SLC25A25: variants seen among roughly 807,000 people sequenced by gnomAD.
The protein encoded by SLC25A25 is mitochondrial adenyl nucleotide antiporter SLC25A25.
In SLC25A25, 32 loss-of-function variants were observed where a neutral mutation model predicts 57.7. The observed-to-expected ratio is 0.55, with a 90% CI of 0.42 to 0.74. The LOEUF (loss-of-function observed/expected upper bound fraction) is 0.74, where lower values mean the gene tolerates loss of function less well. SLC25A25 is among the 30% of genes least tolerant of loss of function. SLC25A25 has a pLI of 0.00. For missense variants in SLC25A25, 556 were observed against 701.3 expected, an observed-to-expected ratio of 0.79 and a Z score of 2.34; for synonymous variants, 306 against 291.2, an observed-to-expected ratio of 1.05 and a Z score of -0.52.
At chr9:128,076,087 C>G (rs1833005301) in intron 1 of SLC25A25, among the ~76,000 whole-genome samples, 1 of 151,846 alleles carries the variant, frequency 6.6e-6, no homozygotes. Flanking sequence ...GCCTGTGACA[C>G]AGCCTCAGGG....
At chr9:128,071,726 A>T (rs978293079) in intron 1 of SLC25A25, among the ~76,000 whole-genome samples, 24 of 146,070 alleles carry the variant, frequency 1.6e-4, no homozygotes, top group African/African-American at 5.4e-4. Flanking sequence ...TATCTATTTT[A>T]TTTTTTTTTG....
chr9:128,096,317 T>C (rs570180678), intron 1 of SLC25A25, among the ~76,000 whole-genome samples: 1 of 152,344 alleles, frequency 6.6e-6, no homozygotes, highest in Non-Finnish European at 1.5e-5. Context: ...GAGACCAGCC[T>C]GGCCAACATG....
intron 1 of SLC25A25, among the ~76,000 whole-genome samples, chr9:128,098,048 G>T: frequency 6.6e-6 from 1 of 152,234 alleles, no homozygotes; most frequent in East Asian, 1.9e-4. Flanking sequence ...CAGCTGAACT[G>T]GGCCCGTTTG....
intron 1 of SLC25A25, among the ~76,000 whole-genome samples, chr9:128,070,250 C>G (rs574991358): frequency 1.5e-4 from 23 of 152,102 alleles, no homozygotes; most frequent in African/African-American, 5.5e-4. Flanking sequence ...GCCACCATGC[C>G]CAGCTAATTT....
intron 1 of SLC25A25, among the ~76,000 whole-genome samples, chr9:128,070,630 A>G (rs1007452621): frequency 6.6e-6 from 1 of 151,846 alleles, no homozygotes; most frequent in Non-Finnish European, 1.5e-5. Flanking sequence ...ATTTTCCTGT[A>G]TGTATCTGAT....
rs960172026 is a variant in SLC25A25 at position 128,102,184 on chromosome 9, G to A, written c.512+69G>A. ...GCCTGATCAGAGCGGGATTCTTGTG[G>A]GCCATTATATTGCCATTGTTGTGCT... is the stretch of plus-strand genomic sequence containing the variant. On this transcript the variant is annotated intron_variant, in intron 4 of 10. Transcript: ENST00000373069. This position sits in a 1 kb window ranked among gnomAD's most constrained non-coding sequence, Gnocchi z 4.1. 4 of 1,535,406 alleles carry A rather than the reference G, an allele frequency of 2.6e-6. No individual in the cohort carries two copies. The African/African-American group carries it at 5.5e-5, about 21-fold the overall frequency.
chr9:128,070,950 C>CAAAAAAA (rs531221205), intron 1 of SLC25A25, among the ~76,000 whole-genome samples: 1 of 57,448 alleles, frequency 1.7e-5, no homozygotes, highest in African/African-American at 5.9e-5. Context: ...AACTCCATCT[C>CAAAAAAA]AAAAAAAAAA....
In SLC25A25 at chr9:128,102,602, A is replaced by G. The variant is rs982817409; in HGVS notation, c.624+121A>G. 4.1e-6 allele frequency: 3 copies of G among 735,260 alleles called. No homozygotes were observed. The highest frequency in any genetic ancestry group is 3.5e-5 in the African/African-American group (2 of 56,524). 45.5% of individuals were successfully genotyped at this position (735,260 alleles called of 1,614,324 possible). ...CCAGCCACCTCCTCTTCCACAGGAGACTGTCCCCTCTTCTGCCAGCCCAGT... is the reference window on the plus strand; with the variant it reads ...CCAGCCACCTCCTCTTCCACAGGAGGCTGTCCCCTCTTCTGCCAGCCCAGT... On this transcript the variant is annotated intron_variant, in intron 5 of 10. Coordinates refer to ENST00000373069, the MANE Select transcript of SLC25A25 (RefSeq NM_001330988.2). This position sits in a 1 kb window ranked among gnomAD's most constrained non-coding sequence, Gnocchi z 4.1.
intron 1 of SLC25A25, chr9:128,091,105 G>A (rs1317619267): frequency 1.3e-5 from 2 of 152,192 alleles, no homozygotes; most frequent in African/African-American, 2.4e-5. Flanking sequence ...GGAGAAAACT[G>A]GATCTTGAAA....
chr9:128,088,429 T>C (rs1166951432), intron 1 of SLC25A25, among the ~76,000 whole-genome samples: 1 of 152,156 alleles, frequency 6.6e-6, no homozygotes, highest in Non-Finnish European at 1.5e-5. Context: ...CTCTCTCCTC[T>C]CCGGCGCTTT....
At position 128,102,302 on chromosome 9, in the gene SLC25A25, G is replaced by A; in HGVS notation, c.513-68G>A. On this transcript the variant is annotated intron_variant, in intron 4 of 10. Coordinates refer to ENST00000373069, the MANE Select transcript of SLC25A25 (RefSeq NM_001330988.2). The surrounding 1 kb of genome is among the most constrained non-coding windows in gnomAD (Gnocchi z 4.1). Reference sequence around the variant, plus strand: ...CCGAATGCCTGCCCTTGGCTCACTGGGAGGTGGGGGGATGCAGCTGGCGGA... The same window carrying A: ...CCGAATGCCTGCCCTTGGCTCACTGAGAGGTGGGGGGATGCAGCTGGCGGA... 6.7e-7 allele frequency: 1 copy of A among 1,487,508 alleles called. No homozygotes were observed. Among genetic ancestry groups the A allele is most frequent in the Non-Finnish European group, 9.3e-7 (1 of 1,071,560 alleles). The allele number at this position is 1,487,508 out of a possible 1,614,324, so 92.1% of individuals were successfully genotyped here. A position where few individuals can be genotyped will look rare whatever the true frequency, so the allele number is the denominator to read the frequency against.
intron 1 of SLC25A25, among the ~76,000 whole-genome samples, chr9:128,089,168 A>G (rs1048247152): frequency 6.6e-6 from 1 of 152,186 alleles, no homozygotes; most frequent in Non-Finnish European, 1.5e-5. Flanking sequence ...CTGGGATTAC[A>G]GACGTGAACC....
In SLC25A25 at chr9:128,107,012, C is replaced by A; in HGVS notation, c.1213-17C>A. ...AGCCCTTCCTAGGGCTTATCCCATG[C>A]TCCCTTCTCCTTCTAGACGCTCAAG... On this transcript the variant is annotated splice_polypyrimidine_tract_variant and intron_variant, in intron 9 of 10. Transcript: ENST00000373069. 6.2e-7 allele frequency: 1 copy of A among 1,611,232 alleles called. No homozygotes were observed. Among genetic ancestry groups the A allele is most frequent in the African/African-American group, 1.3e-5 (1 of 75,000 alleles).
rs1463521463 is a variant in SLC25A25 at position 128,085,159 on chromosome 9, C to T, written c.262-15937C>T. 5.9e-5 allele frequency among the ~76,000 whole-genome samples: 9 copies of T among 151,880 alleles called. 1 individual carries two copies. The Middle Eastern group carries it at 0.01, about 175-fold the overall frequency. ...ATCCTGGCCAACATGGTGAAACCCC[C>T]GTCTCTACTAAAAATATAAAAATTA... On this transcript the variant is annotated intron_variant, in intron 1 of 10. Coordinates refer to ENST00000373069, the MANE Select transcript of SLC25A25 (RefSeq NM_001330988.2).
rs1230156985 is a variant in SLC25A25, at chr9:128,101,712, CG to C, written c.476+322del. On this transcript the variant is annotated intron_variant, in intron 3 of 10. Coordinates refer to ENST00000373069, the MANE Select transcript of SLC25A25 (RefSeq NM_001330988.2). This position sits in a 1 kb window ranked among gnomAD's most constrained non-coding sequence, Gnocchi z 4.9. ...TGCGTGTGGAGGGGGCGGGGCGGGG[CG>C]GGGGGCTCACACTGCAGCCTCGTTC... is the stretch of plus-strand genomic sequence containing the variant. Among the ~76,000 whole-genome samples, 1 of 52,594 alleles carries C rather than the reference CG, an allele frequency of 1.9e-5. No individual in the cohort carries two copies. Among genetic ancestry groups the C allele is most frequent in the Non-Finnish European group, 3.8e-5 (1 of 26,654 alleles). The allele number at this position is 52,594 out of a possible 152,430, so 34.5% of individuals were successfully genotyped here.
chr9:128,090,766 C>T (rs910221502), intron 1 of SLC25A25, among the ~76,000 whole-genome samples: 9 of 152,114 alleles, frequency 5.9e-5, no homozygotes, highest in African/African-American at 2.2e-4. Flanking sequence ...GAGCCAAGAG[C>T]GACCCACTGC....
chr9:128,068,905 C>G (rs1029039624), intron 1 of SLC25A25, among the ~76,000 whole-genome samples: 6 of 152,206 alleles, frequency 3.9e-5, no homozygotes, highest in African/African-American at 1.2e-4. Flanking sequence ...CAAGGCCAAG[C>G]TGGACGCTCC....
chr9:128,080,399 T>C (rs13286769), intron 1 of SLC25A25, among the ~76,000 whole-genome samples: 1 of 148,760 alleles, frequency 6.7e-6, no homozygotes, highest in Admixed American at 6.7e-5. Context: ...TAAGTCCTTA[T>C]CTGTAGAGTA....
At chr9:128,107,221 G>A in intron 10 of SLC25A25, 39 bp from the exon 11 acceptor site, 6 of 1,611,904 alleles carry the variant, frequency 3.7e-6, no homozygotes, top group Admixed American at 1.7e-5. Context: ...GTCGGGGGGA[G>A]CGGACAGAAG....
Sources: allele counts gnomAD v4.1 joint callset (sites outside exome capture counted in the v4.1 genomes callset), GRCh38; gene constraint gnomAD v4.1.1; non-coding constraint Gnocchi (gnomAD v3.1); transcripts MANE v1.5; gene names NCBI Gene and HGNC (gene_info 2026-07-23, HGNC 2026-07-21).